SCHIP1: variants seen among roughly 807,000 people sequenced by gnomAD.
SCHIP1 encodes the protein schwannomin-interacting protein 1.
A neutral mutation model predicts 29.7 loss-of-function variants in SCHIP1; 8 were observed. That is an observed-to-expected ratio of 0.27 (90% CI 0.16 to 0.49). The LOEUF (loss-of-function observed/expected upper bound fraction) is 0.49, where lower values mean the gene tolerates loss of function less well. Among genes scored for constraint, SCHIP1 ranks in the 20% least tolerant of loss-of-function variants. SCHIP1 has a pLI of 0.99. For synonymous variants in SCHIP1, 76 were observed against 94.9 expected (o/e 0.80, Z 1.16); for missense variants, 193 against 294.6 (o/e 0.66, Z 2.52).
At chr3:159,305,309 C>G in the SCHIP1 span, among the ~76,000 whole-genome samples, 1 of 152,196 alleles carries the variant, frequency 6.6e-6, no homozygotes, top group South Asian at 2.1e-4. Flanking sequence ...CTCCCATGTC[C>G]CTGACTACCT....
In SCHIP1 at chr3:159,840,092, T is replaced by C. The variant is rs537510076; in HGVS notation, c.-93T>C. Reference sequence around the variant, plus strand: ...GGGGAGCCCCTGCCTTACCAGGGCGTTCTCTCCGCCCGCCGGTGGATGCTC... The same window carrying C: ...GGGGAGCCCCTGCCTTACCAGGGCGCTCTCTCCGCCCGCCGGTGGATGCTC... On this transcript the variant is annotated 5_prime_UTR_variant, in exon 1 of 7. Transcript: ENST00000445224. 132 of 1,526,824 alleles carry C rather than the reference T, an allele frequency of 8.6e-5. No individual in the cohort carries two copies. The Admixed American group carries it at 9.5e-4, about 11-fold the overall frequency. 94.6% of individuals were successfully genotyped at this position (1,526,824 alleles called of 1,614,324 possible).
chr3:159,711,794 G>T, the SCHIP1 span, among the ~76,000 whole-genome samples: 1 of 152,206 alleles, frequency 6.6e-6, no homozygotes, highest in East Asian at 1.9e-4. Flanking sequence ...TATGTGTTGA[G>T]GCCAGGCCTC....
At chr3:159,428,174 C>G in the SCHIP1 span, among the ~76,000 whole-genome samples, 78 of 151,902 alleles carry the variant, frequency 5.1e-4, no homozygotes, top group South Asian at 2.1e-3. Context: ...GCAATGGCAA[C>G]AAAAGCCAAA....
At chr3:159,563,760 G>C in the SCHIP1 span, among the ~76,000 whole-genome samples, 2 of 152,060 alleles carry the variant, frequency 1.3e-5, no homozygotes, top group Non-Finnish European at 2.9e-5. Flanking sequence ...ATGACTTCAA[G>C]GTTATAGTGA....
At chr3:159,392,400 C>T in the SCHIP1 span, among the ~76,000 whole-genome samples, 2,444 of 151,872 alleles carry the variant, frequency 0.016, 52 homozygotes, top group African/African-American at 0.056. Flanking sequence ...CATGCTGGTG[C>T]GCTGCACCCA....
the SCHIP1 span, chr3:159,764,437 C>G: frequency 6.3e-7 from 1 of 1,582,904 alleles, no homozygotes; most frequent in Non-Finnish European, 8.6e-7. This position sits in a 1 kb window ranked among gnomAD's most constrained non-coding sequence, Gnocchi z 6.1. Flanking sequence ...TACCTCCTCC[C>G]CCTAGGATTA....
the SCHIP1 span, chr3:159,764,693 A>G: frequency 6.3e-7 from 1 of 1,579,916 alleles, no homozygotes; most frequent in Non-Finnish European, 8.6e-7. The surrounding 1 kb of genome is among the most constrained non-coding windows in gnomAD (Gnocchi z 6.1). Flanking sequence ...GAAGAGGAGG[A>G]CGAGCGCGAC....
At chr3:159,841,352 G>T (rs1399982391) in intron 1 of SCHIP1, among the ~76,000 whole-genome samples, 1 of 151,918 alleles carries the variant, frequency 6.6e-6, no homozygotes, top group African/African-American at 2.4e-5. Flanking sequence ...GTACATTTAG[G>T]GCCATAGATC....
chr3:159,649,860 G>A, the SCHIP1 span, among the ~76,000 whole-genome samples: 2 of 152,064 alleles, frequency 1.3e-5, no homozygotes, highest in Non-Finnish European at 2.9e-5. Context: ...AAAGTGGAGG[G>A]GGATCCAAAT....
chr3:159,554,537 A>G, the SCHIP1 span, among the ~76,000 whole-genome samples: 1 of 152,098 alleles, frequency 6.6e-6, no homozygotes, highest in East Asian at 1.9e-4. Flanking sequence ...CTAGAAGGAG[A>G]TAGGATGCAA....
the SCHIP1 span, among the ~76,000 whole-genome samples, chr3:159,747,800 A>G: frequency 3.3e-5 from 5 of 152,224 alleles, no homozygotes; most frequent in Non-Finnish European, 5.9e-5. Context: ...TGCAGAATAT[A>G]TATGTGTATA....
chr3:159,361,888 A>T, the SCHIP1 span, among the ~76,000 whole-genome samples: 5 of 152,222 alleles, frequency 3.3e-5, no homozygotes, highest in African/African-American at 1.2e-4. Flanking sequence ...ATAGAAAGAC[A>T]TGAATTTATC....
At chr3:159,798,010 A>G in the SCHIP1 span, among the ~76,000 whole-genome samples, 8 of 152,296 alleles carry the variant, frequency 5.3e-5, no homozygotes, top group African/African-American at 1.7e-4. Flanking sequence ...TTTGGCTGTT[A>G]TGTTTCTCTG....
At chr3:159,380,511 C>A in the SCHIP1 span, among the ~76,000 whole-genome samples, 42 of 152,038 alleles carry the variant, frequency 2.8e-4, no homozygotes, top group African/African-American at 9.4e-4. Flanking sequence ...TTCCTTATGT[C>A]ATTGTTATAC....
the SCHIP1 span, among the ~76,000 whole-genome samples, chr3:159,558,620 T>C: frequency 3.0e-3 from 459 of 152,250 alleles, 1 homozygote; most frequent in African/African-American, 9.2e-3. Context: ...ACTAAGGACT[T>C]GGGAAAGAGA....
At chr3:159,444,372 A>C in the SCHIP1 span, among the ~76,000 whole-genome samples, 1 of 152,270 alleles carries the variant, frequency 6.6e-6, no homozygotes, top group South Asian at 2.1e-4. Flanking sequence ...AATGCCCCCA[A>C]GAAGCCATTT....
chr3:159,579,336 A>C, the SCHIP1 span, among the ~76,000 whole-genome samples: 1 of 152,226 alleles, frequency 6.6e-6, no homozygotes, highest in Non-Finnish European at 1.5e-5. Flanking sequence ...TAATGAATAT[A>C]AAGGATAAAG....
chr3:159,293,797 A>C, the SCHIP1 span, among the ~76,000 whole-genome samples: 1 of 152,196 alleles, frequency 6.6e-6, no homozygotes, highest in Non-Finnish European at 1.5e-5. Context: ...AGGGCAAAAA[A>C]TAATTCTCTC....
the SCHIP1 span, among the ~76,000 whole-genome samples, chr3:159,453,928 T>C: frequency 6.6e-6 from 1 of 152,200 alleles, no homozygotes; most frequent in Admixed American, 6.5e-5. Flanking sequence ...ACCATCATTT[T>C]AGAAATCATA....
Sources: gnomAD v4.1 joint callset for allele counts (sites outside exome capture counted in the v4.1 genomes callset) on GRCh38, gnomAD v4.1.1 for gene constraint, Gnocchi (gnomAD v3.1) non-coding constraint, MANE v1.5 for transcripts, NCBI Gene and HGNC (gene_info 2026-07-23, HGNC 2026-07-21) for gene names.